GPC5: variants seen among roughly 807,000 people sequenced by gnomAD.
The protein encoded by GPC5 is glypican 5.
A neutral mutation model predicts 53.9 loss-of-function variants in GPC5; 47 were observed. The ratio of observed to expected loss-of-function variants is 0.87; its 90% CI spans 0.69 to 1.11. GPC5 has a LOEUF of 1.11. GPC5 is among the 50% of genes most tolerant of loss of function. The pLI, the probability that GPC5 is intolerant of heterozygous loss-of-function variation, is 0.00. For missense variants in GPC5, 748 were observed against 713.1 expected, an observed-to-expected ratio of 1.05 and a Z score of -0.56; for synonymous variants, 286 against 263.3, an observed-to-expected ratio of 1.09 and a Z score of -0.84.
chr13:92,469,280 C>G lies in GPC5; in HGVS notation c.1561+324291C>G, dbSNP rs540569220. ...CTGGAGTGCAGTGGTGCGATCTCAG[C>G]TCACTGCAACCTCCACCTCCCAGGT... On this transcript the variant is annotated intron_variant, in intron 7 of 7. Coordinates refer to ENST00000377067, the MANE Select transcript of GPC5 (RefSeq NM_004466.6). Among the ~76,000 whole-genome samples the G allele has an allele frequency of 3.3e-5, 5 of 152,166 alleles. No homozygotes were observed. The South Asian group carries it at 1.0e-3, about 32-fold the overall frequency.
intron 7 of GPC5, among the ~76,000 whole-genome samples, chr13:92,412,000 T>C (rs1876065538): frequency 6.6e-6 from 1 of 152,170 alleles, no homozygotes; most frequent in African/African-American, 2.4e-5. Context: ...GTATCCATGA[T>C]TGCACACACT....
intron 7 of GPC5, among the ~76,000 whole-genome samples, chr13:92,849,038 G>C (rs1878704646): frequency 6.6e-6 from 1 of 152,122 alleles, no homozygotes; most frequent in African/African-American, 2.4e-5. Context: ...ACACGCATCT[G>C]TTATTTTCAT....
At chr13:92,132,018 T>C (rs1434050507) in intron 6 of GPC5, among the ~76,000 whole-genome samples, 1 of 152,104 alleles carries the variant, frequency 6.6e-6, no homozygotes, top group African/African-American at 2.4e-5. Flanking sequence ...AGTTCAATTG[T>C]CCACCAAGGG....
chr13:92,205,663 A>G (rs960218884), intron 7 of GPC5, among the ~76,000 whole-genome samples: 4 of 152,210 alleles, frequency 2.6e-5, no homozygotes, highest in Non-Finnish European at 4.4e-5. Context: ...TACATTTAAT[A>G]AAGCATTTAT....
At chr13:92,329,106 C>CTCCTTCTTATAACATTATA (rs2043271545) in intron 7 of GPC5, among the ~76,000 whole-genome samples, 1 of 152,104 alleles carries the variant, frequency 6.6e-6, no homozygotes, top group Non-Finnish European at 1.5e-5. Flanking sequence ...AGGAGTCAAG[C>CTCCTTCTTATAACATTATA]AGTTATAGTC....
chr13:92,339,467 A>C (rs893537199), intron 7 of GPC5, among the ~76,000 whole-genome samples: 2 of 152,092 alleles, frequency 1.3e-5, no homozygotes, highest in Non-Finnish European at 2.9e-5. Context: ...AAAATTGAGA[A>C]ATATATACAG....
intron 6 of GPC5, among the ~76,000 whole-genome samples, chr13:92,036,782 G>C (rs1407625589): frequency 6.6e-6 from 1 of 152,100 alleles, no homozygotes; most frequent in Non-Finnish European, 1.5e-5. Flanking sequence ...TTATGCAGTT[G>C]CTCAGAACAA....
intron 6 of GPC5, among the ~76,000 whole-genome samples, chr13:92,074,918 A>G (rs1335108550): frequency 6.6e-6 from 1 of 152,176 alleles, no homozygotes; most frequent in African/African-American, 2.4e-5. Context: ...GTATTGGCAC[A>G]TAGTTTCTGC....
intron 2 of GPC5, among the ~76,000 whole-genome samples, chr13:91,623,899 C>T (rs1411825002): frequency 6.6e-6 from 1 of 152,034 alleles, no homozygotes; most frequent in Non-Finnish European, 1.5e-5. Flanking sequence ...AGGAAGCAGG[C>T]AGGGAATATA....
At chr13:92,611,201 ATATAGT>A (rs1475193550) in intron 7 of GPC5, among the ~76,000 whole-genome samples, 2 of 152,204 alleles carry the variant, frequency 1.3e-5, no homozygotes, top group Admixed American at 6.5e-5. Flanking sequence ...TATATTTAAA[ATATAGT>A]TATAACCAAT....
chr13:92,123,892 C>T (rs546153604), intron 6 of GPC5, among the ~76,000 whole-genome samples: 88 of 152,150 alleles, frequency 5.8e-4, no homozygotes, highest in African/African-American at 1.5e-3. Context: ...CCTTTTTCTA[C>T]GAAGATGTCT....
At chr13:91,845,956 A>G (rs1269318792) in intron 5 of GPC5, among the ~76,000 whole-genome samples, 2 of 152,282 alleles carry the variant, frequency 1.3e-5, no homozygotes, top group Middle Eastern at 3.4e-3. Flanking sequence ...TCACACTTAA[A>G]ATTGGATCAT....
At chr13:92,221,336 T>A (rs1338647375) in intron 7 of GPC5, among the ~76,000 whole-genome samples, 2 of 152,220 alleles carry the variant, frequency 1.3e-5, no homozygotes, top group East Asian at 3.8e-4. Flanking sequence ...TCTTATCATA[T>A]ACAGTGTATG....
intron 7 of GPC5, among the ~76,000 whole-genome samples, chr13:92,618,627 C>T (rs1157188954): frequency 6.7e-6 from 1 of 148,796 alleles, no homozygotes; most frequent in Non-Finnish European, 1.5e-5. Flanking sequence ...TATTAATAGA[C>T]ATGTTGCTGA....
At chr13:92,244,617 G>C (rs1001506643) in intron 7 of GPC5, among the ~76,000 whole-genome samples, 2 of 152,180 alleles carry the variant, frequency 1.3e-5, no homozygotes, top group Non-Finnish European at 2.9e-5. Context: ...TGAAACATAG[G>C]TGTTTGTTTT....
chr13:92,478,209 T>C (rs1399067264), intron 7 of GPC5, among the ~76,000 whole-genome samples: 2 of 152,236 alleles, frequency 1.3e-5, no homozygotes, highest in Non-Finnish European at 2.9e-5. Flanking sequence ...GAAGACCCAA[T>C]AGAGAAAAAA....
chr13:91,980,749 C>G (rs2040349561), intron 6 of GPC5, among the ~76,000 whole-genome samples: 1 of 152,130 alleles, frequency 6.6e-6, no homozygotes, highest in African/African-American at 2.4e-5. Context: ...AAAATTAAAC[C>G]ATTACCAGCA....
At chr13:92,371,403 C>G (rs1490936711) in intron 7 of GPC5, among the ~76,000 whole-genome samples, 4 of 151,680 alleles carry the variant, frequency 2.6e-5, no homozygotes, top group South Asian at 4.2e-4. Flanking sequence ...TCTGGTGGGC[C>G]CAGTGTAATC....
chr13:92,750,117 G>A (rs1303342558), intron 7 of GPC5, among the ~76,000 whole-genome samples: 1 of 152,002 alleles, frequency 6.6e-6, no homozygotes, highest in African/African-American at 2.4e-5. Context: ...GCATAATGAT[G>A]TTTTCAATTT....
Sources: allele counts gnomAD v4.1 joint callset (sites outside exome capture counted in the v4.1 genomes callset), GRCh38; gene constraint gnomAD v4.1.1; transcripts MANE v1.5; gene names NCBI Gene and HGNC (gene_info 2026-07-23, HGNC 2026-07-21).